The following ZNF527 variants were observed in gnomAD, a reference collection of about 807,000 sequenced individuals.
The protein encoded by ZNF527 is zinc finger protein 527.
Under a neutral mutation model 13.5 loss-of-function variants are expected in ZNF527, and 5 were observed. The observed-to-expected ratio is 0.37, with a 90% CI of 0.19 to 0.78. ZNF527 has a LOEUF of 0.78. ZNF527 is among the 30% of genes least tolerant of loss of function. The pLI, the probability that ZNF527 is intolerant of heterozygous loss-of-function variation, is 0.48. For synonymous variants in ZNF527, 209 were observed against 243.1 expected, an observed-to-expected ratio of 0.86 and a Z score of 1.30; for missense variants, 628 against 726.4, an observed-to-expected ratio of 0.86 and a Z score of 1.56.
rs974071780 is a variant in ZNF527, at chr19:37,391,658, A to G, written c.*1779A>G. 8.5e-5 allele frequency: 13 copies of G among 152,276 alleles called. No individual in the cohort carries two copies. Among genetic ancestry groups the G allele is most frequent in the African/African-American group, 2.4e-4 (10 of 41,574 alleles). 9.4% of individuals were successfully genotyped at this position (152,276 alleles called of 1,614,324 possible). A position where few individuals can be genotyped will look rare whatever the true frequency, so the allele number is the denominator to read the frequency against. On this transcript the variant is annotated 3_prime_UTR_variant, in exon 5 of 5. Transcript: ENST00000436120. ...ATGGATAACTTCTTTGCAGCTAGAG[A>G]TATCAAACAAAGATATTGCTGGCAG...
At chr19:37,388,246 C>T in intron 4 of ZNF527, 60 bp from the exon 5 acceptor site, 1 of 1,555,778 alleles carries the variant, frequency 6.4e-7, no homozygotes, top group South Asian at 1.2e-5. Flanking sequence ...TCTTCTCTAA[C>T]AATTTTCTTC....
chr19:37,375,184 G>A (rs181468661), intron 2 of ZNF527, among the ~76,000 whole-genome samples: 1 of 152,200 alleles, frequency 6.6e-6, no homozygotes, highest in East Asian at 1.9e-4. Flanking sequence ...CAAATGGAAT[G>A]CTGATTATAC....
At chr19:37,377,595 G>T (rs2040618532) in intron 2 of ZNF527, among the ~76,000 whole-genome samples, 1 of 152,168 alleles carries the variant, frequency 6.6e-6, no homozygotes, top group South Asian at 2.1e-4. Context: ...CTATTTAAAA[G>T]ATATTATCAG....
Position 37,392,739 on chromosome 19 carries a change from T to G in ZNF527, c.*2860T>G, listed in dbSNP as rs1479233939. The G allele has an allele frequency of 6.6e-6, 1 of 152,112 alleles. No homozygotes were observed. The highest frequency in any genetic ancestry group is 6.6e-5 in the Admixed American group (1 of 15,262). The allele number at this position is 152,112 out of a possible 1,614,324, so 9.4% of individuals were successfully genotyped here. On this transcript the variant is annotated 3_prime_UTR_variant, in exon 5 of 5. Transcript: ENST00000436120. ...TGGCACCTGATTTCATCCTCGAGAG[T>G]GACGTAAACCTAAGCTACTGGTTCA...
Position 37,388,969 on chromosome 19 carries a change from G to A in ZNF527, c.920G>A (p.Cys307Tyr). Residue 307 changes from cysteine to tyrosine, a missense_variant, in exon 5 of 5, where the codon TGT becomes TAT. Cys to Tyr is a radical substitution (Grantham distance 194). Coordinates refer to ENST00000436120, the MANE Select transcript of ZNF527 (RefSeq NM_032453.2). ...SGEKPYACNDCGKAFSHDFFL... is the reference protein window; with the variant it reads ...SGEKPYACNDYGKAFSHDFFL... ...GAAAAACCATATGCATGCAATGACT[G>A]TGGAAAAGCCTTTAGCCACGACTTC... 6.2e-7 allele frequency: 1 copy of A among 1,614,114 alleles called. No individual in the cohort carries two copies. The highest frequency in any genetic ancestry group is 8.5e-7 in the Non-Finnish European group (1 of 1,179,998).
At chr19:37,387,031 C>T (rs551499133) in intron 4 of ZNF527, among the ~76,000 whole-genome samples, 1 of 152,272 alleles carries the variant, frequency 6.6e-6, no homozygotes, top group South Asian at 2.1e-4. Context: ...AGGGATGAGG[C>T]TTTCCTTGGG....
chr19:37,384,834 C>T (rs2040684548), intron 4 of ZNF527: 1 of 663,154 alleles, frequency 1.5e-6, no homozygotes, highest in Non-Finnish European at 2.8e-6. Flanking sequence ...GAATTACCTG[C>T]TCATACATTT....
At chr19:37,373,781 C>A (rs1276458058) in intron 1 of ZNF527, among the ~76,000 whole-genome samples, 1 of 152,068 alleles carries the variant, frequency 6.6e-6, no homozygotes, top group Non-Finnish European at 1.5e-5. Context: ...AAGGAAAAGT[C>A]CACAACCCTG....
intron 3 of ZNF527, 76 bp downstream of exon 3, chr19:37,379,322 G>A: frequency 7.3e-7 from 1 of 1,369,358 alleles, no homozygotes; most frequent in South Asian, 1.8e-5. Flanking sequence ...GAATATCTAG[G>A]ACATCTTAAG....
intron 1 of ZNF527, among the ~76,000 whole-genome samples, chr19:37,372,367 G>A (rs1243608719): frequency 6.6e-6 from 1 of 151,638 alleles, no homozygotes; most frequent in Non-Finnish European, 1.5e-5. Flanking sequence ...GAGTTGCCTA[G>A]TGCAAAGTAG....
rs376931538 is a variant in ZNF527, at chr19:37,388,950, C to CTGTG, written c.901_902insTGTG (p.Pro301LeufsTer7). ...TCAGAGAATTCACAGTGGAGAAAAA[C>CTGTG]CATATGCATGCAATGACTGTGGAAA... is the stretch of plus-strand genomic sequence containing the variant. On this transcript the variant is annotated frameshift_variant, in exon 5 of 5. Coordinates refer to ENST00000436120, the MANE Select transcript of ZNF527 (RefSeq NM_032453.2). LOFTEE classifies it low-confidence loss of function (END_TRUNC). 221,673 of 1,613,964 alleles carry CTGTG rather than the reference C, an allele frequency of 0.14. 16,493 individuals carry two copies. The highest frequency in any genetic ancestry group is 0.15 in the Non-Finnish European group (180,794 of 1,179,890).
intron 4 of ZNF527, among the ~76,000 whole-genome samples, chr19:37,383,481 CCTT>C (rs2040671614): frequency 6.6e-6 from 1 of 151,844 alleles, no homozygotes. Flanking sequence ...GGTGATCCAC[CCTT>C]CTTGGCCTCC....
In ZNF527 at chr19:37,389,212, G is replaced by A; in HGVS notation, c.1163G>A (p.Cys388Tyr). 1 of 1,614,172 alleles carries A rather than the reference G, an allele frequency of 6.2e-7. No individual in the cohort carries two copies. The highest frequency in any genetic ancestry group is 8.5e-7 in the Non-Finnish European group (1 of 1,180,030). The change falls in exon 5 of 5, where the codon TGT (cysteine) becomes TAT (tyrosine). Residue 388 changes from cysteine to tyrosine, a missense_variant. This residue lies in a region of ZNF527 where 592 missense variants were observed against 678.0 expected (regional missense o/e 0.87). Coordinates refer to ENST00000436120, the MANE Select transcript of ZNF527 (RefSeq NM_032453.2). ...CACACAGGTGAGAAACCATATGAATGTAAAGAATGTAATAAAGCCTTCAGA... is the reference window on the plus strand; with the variant it reads ...CACACAGGTGAGAAACCATATGAATATAAAGAATGTAATAAAGCCTTCAGA... ...RIHTGEKPYECKECNKAFRQS... is the reference protein window; with the variant it reads ...RIHTGEKPYEYKECNKAFRQS...
chr19:37,376,572 T>A (rs550801947), intron 2 of ZNF527, among the ~76,000 whole-genome samples: 1 of 148,360 alleles, frequency 6.7e-6, no homozygotes, highest in East Asian at 2.0e-4. Flanking sequence ...TACTCAGGAG[T>A]CTGAGGCAGG....
At chr19:37,384,555 T>C (rs866474968) in intron 4 of ZNF527, among the ~76,000 whole-genome samples, 1 of 151,910 alleles carries the variant, frequency 6.6e-6, no homozygotes, top group Non-Finnish European at 1.5e-5. Flanking sequence ...AACATGGAAG[T>C]GCATGTTTTA....
chr19:37,378,966 CTT>C (rs2040629570), intron 2 of ZNF527, among the ~76,000 whole-genome samples, 152 bp from the exon 3 acceptor site: 2 of 152,176 alleles, frequency 1.3e-5, no homozygotes, highest in African/African-American at 4.8e-5. Context: ...TTTCTCTTCT[CTT>C]AAAGTATTTG....
chr19:37,375,306 CTTT>C (rs1568691495), intron 2 of ZNF527, among the ~76,000 whole-genome samples: 1,231 of 100,726 alleles, frequency 0.012, 45 homozygotes, highest in African/African-American at 0.045. Context: ...TTCTTTCTTT[CTTT>C]CTTTTCTTTC....
chr19:37,389,144 G>A lies in ZNF527; in HGVS notation c.1095G>A (p.Lys365=), dbSNP rs759235119. Residue 365 remains lysine, a synonymous_variant, in exon 5 of 5, where the codon AAG becomes AAA. Coordinates refer to ENST00000436120, the MANE Select transcript of ZNF527 (RefSeq NM_032453.2). ...CGTTTGCGTGCAATGAATGTGGGAA[G>A]GCCTTTAGCCGTTATGCCTTCCTTG... The part of the protein sequence containing the change: ...EKPFACNECG[K]AFSRYAFLVE... 6 of 1,613,632 alleles carry A rather than the reference G, an allele frequency of 3.7e-6. No homozygotes were observed. Among genetic ancestry groups the A allele is most frequent in the Non-Finnish European group, 4.2e-6 (5 of 1,179,964 alleles).
At chr19:37,383,027 G>T (rs563594166) in intron 4 of ZNF527, among the ~76,000 whole-genome samples, 2 of 152,104 alleles carry the variant, frequency 1.3e-5, no homozygotes, top group East Asian at 3.9e-4. Context: ...AGTTTTATAA[G>T]GAATTGCTAC....
Sources: allele counts gnomAD v4.1 joint callset (sites outside exome capture counted in the v4.1 genomes callset), GRCh38; gene constraint gnomAD v4.1.1; regional missense constraint gnomAD v4.1.1; transcripts MANE v1.5; gene names NCBI Gene and HGNC (gene_info 2026-07-23, HGNC 2026-07-21).